Variants in ERC2 observed in about 807,000 individuals in gnomAD.
ERC2 encodes ERC protein 2.
In ERC2, 42 loss-of-function variants were observed where a neutral mutation model predicts 114.8. The observed-to-expected ratio is 0.37, with a 90% CI of 0.29 to 0.47. The LOEUF is 0.47. Among genes scored for constraint, ERC2 ranks in the 20% least tolerant of loss-of-function variants. The probability of loss-of-function intolerance (pLI) is 0.99; values close to 1 mark genes in which losing one functional copy is unlikely to be tolerated. For synonymous variants in ERC2, 454 were observed against 425.5 expected (o/e 1.07, Z -0.82); for missense variants, 939 against 1,150.7 (o/e 0.82, Z 2.66).
chr3:55,616,144 C>T (rs1161254911), intron 17 of ERC2, among the ~76,000 whole-genome samples: 3 of 152,132 alleles, frequency 2.0e-5, no homozygotes, highest in East Asian at 1.9e-4. Context: ...CTTGTGCAGA[C>T]GCTGGCAAGA....
intron 14 of ERC2, among the ~76,000 whole-genome samples, chr3:55,785,865 A>G (rs1046193943): frequency 9.2e-5 from 14 of 152,228 alleles, no homozygotes; most frequent in Non-Finnish European, 1.9e-4. Flanking sequence ...CCTTTCCTGT[A>G]AGATGCCAGC....
chr3:55,815,783 A>G (rs866853337), intron 14 of ERC2, among the ~76,000 whole-genome samples: 1 of 152,216 alleles, frequency 6.6e-6, no homozygotes, highest in Non-Finnish European at 1.5e-5. Context: ...TAAGACTTCA[A>G]TTGGAAAGTT....
chr3:56,414,610 A>G (rs1479168712), intron 2 of ERC2, among the ~76,000 whole-genome samples: 7 of 151,866 alleles, frequency 4.6e-5, no homozygotes, highest in Admixed American at 4.6e-4. Flanking sequence ...CTGTAGTCCC[A>G]GGTACTTGGG....
At chr3:55,883,718 T>C (rs766215859) in intron 14 of ERC2, among the ~76,000 whole-genome samples, 4 of 152,012 alleles carry the variant, frequency 2.6e-5, no homozygotes, top group Non-Finnish European at 5.9e-5. Context: ...TGAAACCCTG[T>C]CTCTACTAAA....
At chr3:56,135,424 A>C (rs2080449038) in intron 6 of ERC2, among the ~76,000 whole-genome samples, 1 of 152,246 alleles carries the variant, frequency 6.6e-6, no homozygotes, top group African/African-American at 2.4e-5. Flanking sequence ...AAAGTGAAAC[A>C]CAGAACAGAT....
At chr3:55,552,874 G>T (rs1037509879) in intron 17 of ERC2, among the ~76,000 whole-genome samples, 1 of 151,712 alleles carries the variant, frequency 6.6e-6, no homozygotes, top group Non-Finnish European at 1.5e-5. Context: ...AGGAAATAGG[G>T]TTAAAAACCA....
intron 14 of ERC2, among the ~76,000 whole-genome samples, chr3:55,814,678 G>A (rs1382481532): frequency 1.3e-5 from 2 of 152,108 alleles, no homozygotes; most frequent in Non-Finnish European, 2.9e-5. Context: ...TGGTAAATGT[G>A]GGCTATTTAT....
chr3:55,686,846 G>A (rs2062359993), intron 16 of ERC2, among the ~76,000 whole-genome samples: 1 of 152,160 alleles, frequency 6.6e-6, no homozygotes, highest in African/African-American at 2.4e-5. Context: ...GCCACCAGTT[G>A]CCAAAATATC....
intron 2 of ERC2, among the ~76,000 whole-genome samples, chr3:56,402,079 T>C (rs2060540468): frequency 6.6e-6 from 1 of 152,118 alleles, no homozygotes; most frequent in Non-Finnish European, 1.5e-5. Flanking sequence ...AAGAACAGTA[T>C]AGGGGAACCA....
intron 17 of ERC2, among the ~76,000 whole-genome samples, chr3:55,683,580 C>G (rs1310580261): frequency 1.3e-5 from 2 of 152,128 alleles, no homozygotes; most frequent in East Asian, 3.9e-4. Context: ...CCCAACAAGG[C>G]AGAGCAGTAA....
At chr3:55,679,144 A>G (rs2061943710) in intron 17 of ERC2, among the ~76,000 whole-genome samples, 1 of 152,218 alleles carries the variant, frequency 6.6e-6, no homozygotes, top group South Asian at 2.1e-4. Flanking sequence ...CTACCTCGCC[A>G]TAAAAGGCCC....
In ERC2 at chr3:56,159,504, C is replaced by G. The variant is rs112806060; in HGVS notation, c.1150-10372G>C. Among the ~76,000 whole-genome samples, 315 of 152,156 alleles carry G rather than the reference C, an allele frequency of 2.1e-3. 1 individual carries two copies. Among genetic ancestry groups the G allele is most frequent in the African/African-American group, 7.3e-3 (302 of 41,510 alleles). On this transcript the variant is annotated intron_variant, in intron 4 of 17. Transcript: ENST00000288221. ...ATACATTTCATAGTTGGTTATTTTGCGCTTTTTATCAACTTTTATTTTAGA... is the reference window on the plus strand; with the variant it reads ...ATACATTTCATAGTTGGTTATTTTGGGCTTTTTATCAACTTTTATTTTAGA...
Position 55,707,610 on chromosome 3 carries a change from T to C in ERC2, c.2713-8098A>G, listed in dbSNP as rs537354793. ...AGAGTTCTATGTGCTCTGCTCATAA[T>C]GTTAGGATCCTAACCGACATTGTGA... On this transcript the variant is annotated intron_variant, in intron 15 of 17. Coordinates refer to ENST00000288221, the MANE Select transcript of ERC2 (RefSeq NM_015576.3). 4.6e-5 allele frequency among the ~76,000 whole-genome samples: 7 copies of C among 152,362 alleles called. No individual in the cohort carries two copies. In the South Asian group the frequency reaches 1.2e-3, roughly 27 times the overall value.
intron 12 of ERC2, among the ~76,000 whole-genome samples, chr3:55,959,064 C>A (rs934254384): frequency 6.6e-6 from 1 of 152,104 alleles, no homozygotes; most frequent in African/African-American, 2.4e-5. Flanking sequence ...CCAGACGGTC[C>A]ACTGCAGCCA....
chr3:55,560,551 G>A (rs2107475155), intron 17 of ERC2, among the ~76,000 whole-genome samples: 1 of 152,210 alleles, frequency 6.6e-6, no homozygotes, highest in South Asian at 2.1e-4. Context: ...ACCCCACCAA[G>A]GCCCTTGGCA....
chr3:55,576,839 G>C (rs1324281747), intron 17 of ERC2, among the ~76,000 whole-genome samples: 1 of 152,236 alleles, frequency 6.6e-6, no homozygotes, highest in Non-Finnish European at 1.5e-5. Flanking sequence ...ACACCGCATC[G>C]TGCGAGGGAG....
chr3:56,232,775 A>G (rs12488385), intron 3 of ERC2, among the ~76,000 whole-genome samples: 88,069 of 152,066 alleles, frequency 0.58, 26,134 homozygotes, highest in East Asian at 0.86. Context: ...CACTGTATTT[A>G]CATCCAAGAC....
intron 14 of ERC2, among the ~76,000 whole-genome samples, chr3:55,750,860 G>C (rs190381579): frequency 7.9e-5 from 12 of 152,186 alleles, no homozygotes; most frequent in Non-Finnish European, 1.6e-4. Flanking sequence ...AACATTATGT[G>C]TAAGTTGTTT....
rs890221936 is a variant in ERC2, at chr3:56,251,607, T to C, written c.1074+44412A>G. ...CATTTGGATGGCATATTTAAAACTG[T>C]AGAAATTTGGAGCTAAGAAGAAACT... is the stretch of plus-strand genomic sequence containing the variant. On this transcript the variant is annotated intron_variant, in intron 3 of 17. Coordinates refer to ENST00000288221, the MANE Select transcript of ERC2 (RefSeq NM_015576.3). Among the ~76,000 whole-genome samples, 3 of 152,152 alleles carry C rather than the reference T, an allele frequency of 2.0e-5. No individual in the cohort carries two copies. The East Asian group carries it at 5.8e-4, about 29-fold the overall frequency.
Sources: allele counts gnomAD v4.1 joint callset (sites outside exome capture counted in the v4.1 genomes callset), GRCh38; gene constraint gnomAD v4.1.1; transcripts MANE v1.5; gene names NCBI Gene and HGNC (gene_info 2026-07-23, HGNC 2026-07-21).